ADAP2: variants seen among roughly 807,000 people sequenced by gnomAD.
The protein encoded by ADAP2 is arf-GAP with dual PH domain-containing protein 2.
A neutral mutation model predicts 54.9 loss-of-function variants in ADAP2; 42 were observed. That is an observed-to-expected ratio of 0.77 (90% CI 0.60 to 0.99). ADAP2 has a LOEUF of 0.99. ADAP2 is among the 50% of genes least tolerant of loss of function. ADAP2 has a pLI of 0.00. For missense variants in ADAP2, 429 were observed against 480.4 expected (o/e 0.89, Z 1.00); for synonymous variants, 177 against 180.1 (o/e 0.98, Z 0.14).
chr17:30,933,996 G>C (rs1479812511), intron 4 of ADAP2, among the ~76,000 whole-genome samples, 189 bp from the exon 5 acceptor site: 2 of 152,174 alleles, frequency 1.3e-5, no homozygotes, highest in Non-Finnish European at 2.9e-5. Context: ...CCCCTGAAGT[G>C]AAAAGACATC....
intron 9 of ADAP2, 91 bp from the exon 10 acceptor site, chr17:30,956,149 CT>C (rs1223261868): frequency 1.3e-5 from 15 of 1,178,948 alleles, no homozygotes; most frequent in Non-Finnish European, 1.7e-5. Context: ...CCTCATACCC[CT>C]TTCCCAAAAT....
intron 10 of ADAP2, among the ~76,000 whole-genome samples, chr17:30,957,539 C>A (rs1905162239): frequency 6.6e-6 from 1 of 152,080 alleles, no homozygotes. Flanking sequence ...GCAATCCTCT[C>A]ACCTCAGCCT....
intron 2 of ADAP2, among the ~76,000 whole-genome samples, chr17:30,925,261 C>A (rs1209704733): frequency 1.3e-5 from 2 of 148,574 alleles, no homozygotes; most frequent in Non-Finnish European, 3.0e-5. Flanking sequence ...ACGATCTCGG[C>A]TCACTGCAAC....
chr17:30,951,385 T>C (rs1011522439), intron 7 of ADAP2, among the ~76,000 whole-genome samples: 2 of 152,118 alleles, frequency 1.3e-5, no homozygotes, highest in Non-Finnish European at 2.9e-5. Flanking sequence ...ATTCCGAATA[T>C]TGAGCAGTTC....
intron 6 of ADAP2, among the ~76,000 whole-genome samples, chr17:30,946,550 G>T (rs1912693914): frequency 6.6e-6 from 1 of 152,040 alleles, no homozygotes; most frequent in Non-Finnish European, 1.5e-5. Context: ...CAGGAAATCT[G>T]CCCAGTCAGA....
At chr17:30,937,561 AG>A (rs1048465075) in intron 5 of ADAP2, among the ~76,000 whole-genome samples, 3 of 152,212 alleles carry the variant, frequency 2.0e-5, no homozygotes, top group African/African-American at 7.2e-5. Flanking sequence ...GGCTGCTGCT[AG>A]GGTGAGTAGG....
At position 30,953,338 on chromosome 17, in the gene ADAP2, G is replaced by T. The variant is rs745979784; in HGVS notation, c.792G>T (p.Lys264Asn). 2 of 1,613,956 alleles carry T rather than the reference G, an allele frequency of 1.2e-6. No individual in the cohort carries two copies. Among genetic ancestry groups the T allele is most frequent in the Admixed American group, 3.3e-5 (2 of 59,970 alleles). Residue 264 changes from lysine (K) to asparagine (N), a missense_variant, in exon 8 of 11, where the codon AAG (lysine) becomes AAT (asparagine). Lys to Asn is a moderately conservative substitution (Grantham distance 94, BLOSUM62 0). Coordinates refer to ENST00000330889, the MANE Select transcript of ADAP2 (RefSeq NM_018404.3). ...ACCTCAAACAAGGCTTCATGGAAAA[G>T]ACTGGGCCAAAGGTACCTTCTATCA... ...RNYLKQGFME[K>N]TGPKQKEPFK...
At chr17:30,946,648 G>A (rs1912702139) in intron 6 of ADAP2, among the ~76,000 whole-genome samples, 1 of 152,142 alleles carries the variant, frequency 6.6e-6, no homozygotes, top group Admixed American at 6.6e-5. Context: ...GCTGAGTGGG[G>A]GTGGATGAAG....
chr17:30,954,049 T>C (rs571717442), intron 8 of ADAP2, among the ~76,000 whole-genome samples: 100 of 152,304 alleles, frequency 6.6e-4, no homozygotes, highest in African/African-American at 2.3e-3. Context: ...AGGGTTGTTT[T>C]CAGAGAGGCG....
chr17:30,938,076 T>G (rs1343546371), intron 5 of ADAP2, among the ~76,000 whole-genome samples: 8 of 152,208 alleles, frequency 5.3e-5, no homozygotes, highest in East Asian at 3.8e-4. Flanking sequence ...GGACTGAGTA[T>G]TTTGGTTATG....
chr17:30,952,805 A>T (rs1339969917), intron 7 of ADAP2, among the ~76,000 whole-genome samples: 2 of 152,094 alleles, frequency 1.3e-5, no homozygotes, highest in Admixed American at 1.3e-4. Context: ...GTCTAGTGTC[A>T]TTGGCCCTGG....
intron 5 of ADAP2, among the ~76,000 whole-genome samples, chr17:30,938,942 G>A (rs1028465865): frequency 7.2e-5 from 11 of 152,004 alleles, no homozygotes; most frequent in African/African-American, 2.4e-4. Context: ...TACATGTAGC[G>A]AAATTTCACA....
At position 30,953,381 on chromosome 17, in the gene ADAP2, T is replaced by C. The variant is rs769221913; in HGVS notation, c.804+31T>C. The C allele has an allele frequency of 9.4e-6, 15 of 1,600,382 alleles. No homozygotes were observed. In the African/African-American group the frequency reaches 1.7e-4, roughly 19 times the overall value. On this transcript the variant is annotated intron_variant, in intron 8 of 10. Coordinates refer to ENST00000330889, the MANE Select transcript of ADAP2 (RefSeq NM_018404.3). ...TTCTATCACTCCCTGGGGAACTTAA[T>C]ATGGTTTAATGTATATAGAAGGTTT...
intron 7 of ADAP2, 90 bp from the exon 8 acceptor site, chr17:30,953,198 C>A: frequency 1.6e-6 from 2 of 1,213,042 alleles, no homozygotes; most frequent in Non-Finnish European, 2.4e-6. Flanking sequence ...TTCCCCATTT[C>A]AAACTTCCCC....
chr17:30,957,997 G>T lies in ADAP2; in HGVS notation c.*128G>T. 1 of 903,416 alleles carries T rather than the reference G, an allele frequency of 1.1e-6. No homozygotes were observed. The highest frequency in any genetic ancestry group is 1.8e-6 in the Non-Finnish European group (1 of 561,950). 56.0% of individuals were successfully genotyped at this position (903,416 alleles called of 1,614,324 possible). Reference sequence around the variant, plus strand: ...GCAGCCATTCCTGGCAGTGAACTCTGCCAGGACTGAAGCTGTGGCTTTATC... The same window carrying T: ...GCAGCCATTCCTGGCAGTGAACTCTTCCAGGACTGAAGCTGTGGCTTTATC... On this transcript the variant is annotated 3_prime_UTR_variant, in exon 11 of 11. Coordinates refer to ENST00000330889, the MANE Select transcript of ADAP2 (RefSeq NM_018404.3).
At chr17:30,956,147 C>A (rs1905049370) in intron 9 of ADAP2, 94 bp from the exon 10 acceptor site, 1 of 1,104,696 alleles carries the variant, frequency 9.1e-7, no homozygotes. Flanking sequence ...GACCTCATAC[C>A]CCTTTCCCAA....
Position 30,944,900 on chromosome 17 carries a change from C to T in ADAP2, c.511-7C>T, listed in dbSNP as rs1912541476. The T allele has an allele frequency of 6.2e-7, 1 of 1,612,894 alleles. No homozygotes were observed. The highest frequency in any genetic ancestry group is 8.5e-7 in the Non-Finnish European group (1 of 1,179,668). On this transcript the variant is annotated splice_polypyrimidine_tract_variant and splice_region_variant and intron_variant, in intron 5 of 10. Transcript: ENST00000330889. The stretch of plus-strand genomic sequence containing the variant: ...TCAGCGTCTTTCTTTCTCTTTCTCT[C>T]TTTCAGGGTAAAAGCCCCAAAGCTG...
At chr17:30,933,788 G>T (rs1349137611) in intron 4 of ADAP2, among the ~76,000 whole-genome samples, 3 of 152,218 alleles carry the variant, frequency 2.0e-5, no homozygotes, top group African/African-American at 7.2e-5. Flanking sequence ...GTGAGCCACT[G>T]CGCCCTGCCT....
At chr17:30,948,349 C>T (rs918221099) in intron 6 of ADAP2, among the ~76,000 whole-genome samples, 2 of 151,020 alleles carry the variant, frequency 1.3e-5, no homozygotes, top group African/African-American at 2.4e-5. Flanking sequence ...GAGGCCGAGG[C>T]GGGCAGATCA....
Sources: allele counts gnomAD v4.1 joint callset (sites outside exome capture counted in the v4.1 genomes callset), GRCh38; gene constraint gnomAD v4.1.1; transcripts MANE v1.5; gene names NCBI Gene and HGNC (gene_info 2026-07-23, HGNC 2026-07-21).